SLC16A7: variants seen among roughly 807,000 people sequenced by gnomAD.
SLC16A7 encodes the protein monocarboxylate transporter 2.
A neutral mutation model predicts 34.9 loss-of-function variants in SLC16A7; 33 were observed. The observed-to-expected ratio is 0.94, with a 90% confidence interval of 0.72 to 1.26. The LOEUF is 1.26. Among genes scored for constraint, SLC16A7 ranks in the 50% most tolerant of loss-of-function variants. The pLI is 0.00. For synonymous variants in SLC16A7, 201 were observed against 206.6 expected, an observed-to-expected ratio of 0.97 and a Z score of 0.23; for missense variants, 573 against 578.1, an observed-to-expected ratio of 0.99 and a Z score of 0.09.
chr12:59,615,052 G>A (rs577854416), intron 1 of SLC16A7, among the ~76,000 whole-genome samples: 14 of 151,600 alleles, frequency 9.2e-5, no homozygotes, highest in African/African-American at 2.2e-4. Flanking sequence ...AAGAGGCTCC[G>A]TGCAGCATTT....
intron 3 of SLC16A7, chr12:59,720,135 G>A: frequency 2.9e-6 from 2 of 691,940 alleles, no homozygotes; most frequent in South Asian, 1.5e-5. Flanking sequence ...TGTTATTATG[G>A]GATCGCTGTC....
chr12:59,771,889 A>C (rs1349567818), intron 4 of SLC16A7, among the ~76,000 whole-genome samples: 2 of 152,106 alleles, frequency 1.3e-5, no homozygotes, highest in Admixed American at 6.6e-5. Flanking sequence ...TCTTTTTCTT[A>C]CTGAAATGAT....
chr12:59,765,271 A>G (rs533073791), intron 3 of SLC16A7, among the ~76,000 whole-genome samples: 38 of 152,114 alleles, frequency 2.5e-4, no homozygotes, highest in African/African-American at 8.9e-4. Flanking sequence ...ATTTTCTCCC[A>G]TTCTGTAGGT....
chr12:59,711,155 T>A (rs1874181537), intron 3 of SLC16A7, among the ~76,000 whole-genome samples: 1 of 152,188 alleles, frequency 6.6e-6, no homozygotes, highest in South Asian at 2.1e-4. Flanking sequence ...AATGAGGGAC[T>A]AACATTGGCA....
chr12:59,659,972 T>A (rs1285782507), intron 2 of SLC16A7, among the ~76,000 whole-genome samples: 2 of 152,080 alleles, frequency 1.3e-5, no homozygotes, highest in African/African-American at 4.8e-5. Flanking sequence ...AGAGGTTAGA[T>A]AATTTGTTCA....
chr12:59,726,914 A>G (rs1310041203), intron 3 of SLC16A7, among the ~76,000 whole-genome samples: 1 of 152,054 alleles, frequency 6.6e-6, no homozygotes, highest in Non-Finnish European at 1.5e-5. Context: ...AATACATAAT[A>G]GATCAGAATA....
intron 2 of SLC16A7, among the ~76,000 whole-genome samples, chr12:59,696,962 G>A (rs954558621): frequency 1.3e-5 from 2 of 151,798 alleles, no homozygotes; most frequent in Non-Finnish European, 2.9e-5. Flanking sequence ...ATAAATTGAT[G>A]AACTATGGAA....
At chr12:59,656,284 G>A (rs574166887) in intron 2 of SLC16A7, among the ~76,000 whole-genome samples, 111 of 152,052 alleles carry the variant, frequency 7.3e-4, no homozygotes, top group African/African-American at 2.6e-3. Context: ...ATGGTAAAGG[G>A]AGAATTAAGG....
At chr12:59,597,430 A>G (rs946772425) in intron 1 of SLC16A7, among the ~76,000 whole-genome samples, 4 of 152,136 alleles carry the variant, frequency 2.6e-5, no homozygotes, top group Non-Finnish European at 5.9e-5. Flanking sequence ...AAAAGACTGG[A>G]CCCAGAGGAA....
At chr12:59,736,560 T>A (rs1877630778) in intron 3 of SLC16A7, among the ~76,000 whole-genome samples, 3 of 152,148 alleles carry the variant, frequency 2.0e-5, no homozygotes, top group African/African-American at 7.2e-5. Flanking sequence ...TATCAGCTGC[T>A]GCAGATGCTG....
intron 2 of SLC16A7, among the ~76,000 whole-genome samples, chr12:59,696,971 A>G (rs536600503): frequency 1.4e-4 from 21 of 152,090 alleles, no homozygotes; most frequent in African/African-American, 4.6e-4. Flanking sequence ...TGAACTATGG[A>G]AAAACAAGTA....
chr12:59,704,916 G>GCTGTC lies in SLC16A7; in HGVS notation c.116_120dup (p.Thr41LeufsTer20). The GCTGTC allele has an allele frequency of 6.2e-7, 1 of 1,613,612 alleles. No homozygotes were observed. Among genetic ancestry groups the GCTGTC allele is most frequent in the Non-Finnish European group, 8.5e-7 (1 of 1,179,612 alleles). ...TGGATTTTCCTATGCATTCCCCAAAGCTGTCACCGTATTCTTCAAAGAAAT... is the reference window on the plus strand; with the variant it reads ...TGGATTTTCCTATGCATTCCCCAAAGCTGTCCTGTCACCGTATTCTTCAAAGAAAT... On this transcript the variant is annotated frameshift_variant, in exon 3 of 6. Coordinates refer to ENST00000547379, the MANE Select transcript of SLC16A7 (RefSeq NM_001270623.2). LOFTEE classifies it high-confidence loss of function.
intron 3 of SLC16A7, among the ~76,000 whole-genome samples, chr12:59,706,177 G>A (rs1565661724): frequency 6.6e-6 from 1 of 152,092 alleles, no homozygotes; most frequent in Non-Finnish European, 1.5e-5. Context: ...TTTACATCTA[G>A]AGAGTGACAA....
intron 1 of SLC16A7, among the ~76,000 whole-genome samples, chr12:59,611,442 A>G (rs1189764444): frequency 6.6e-6 from 1 of 152,172 alleles, no homozygotes. Flanking sequence ...GGTCCCTAAC[A>G]TGACATGTGG....
At chr12:59,678,536 G>A (rs1477865634) in intron 2 of SLC16A7, among the ~76,000 whole-genome samples, 1 of 152,150 alleles carries the variant, frequency 6.6e-6, no homozygotes, top group African/African-American at 2.4e-5. Context: ...TCTGGAGTGA[G>A]TAACTCTTCT....
chr12:59,720,036 T>A, intron 3 of SLC16A7: 1 of 685,050 alleles, frequency 1.5e-6, no homozygotes, highest in Non-Finnish European at 2.6e-6. Flanking sequence ...TTTTCTGGAA[T>A]AGGAATGCCT....
At chr12:59,767,557 T>C (rs1015690540) in intron 3 of SLC16A7, among the ~76,000 whole-genome samples, 2 of 152,154 alleles carry the variant, frequency 1.3e-5, no homozygotes, top group Admixed American at 6.6e-5. Context: ...AAATCTGTTC[T>C]GCCTGTGTTT....
chr12:59,603,293 C>G (rs1449659999), intron 1 of SLC16A7, among the ~76,000 whole-genome samples: 1 of 152,120 alleles, frequency 6.6e-6, no homozygotes, highest in Non-Finnish European at 1.5e-5. Context: ...AAGTAACACT[C>G]CCATCACCTA....
chr12:59,676,062 A>T (rs1359167195), intron 2 of SLC16A7, among the ~76,000 whole-genome samples: 2 of 152,178 alleles, frequency 1.3e-5, no homozygotes, highest in Non-Finnish European at 2.9e-5. Flanking sequence ...AACAGCTTGA[A>T]TATGTGTTCC....
Sources: gnomAD v4.1 joint callset for allele counts (sites outside exome capture counted in the v4.1 genomes callset) on GRCh38, gnomAD v4.1.1 for gene constraint, MANE v1.5 for transcripts, NCBI Gene and HGNC (gene_info 2026-07-23, HGNC 2026-07-21) for gene names.